HAUS1: variants seen among roughly 807,000 people sequenced by gnomAD.
HAUS1 encodes the protein HAUS augmin like complex subunit 1.
In HAUS1, 25 loss-of-function variants were observed where a neutral mutation model predicts 38.6. The observed-to-expected ratio is 0.65, with a 90% CI of 0.47 to 0.91. The LOEUF (loss-of-function observed/expected upper bound fraction) is 0.91, where lower values mean the gene tolerates loss of function less well. HAUS1 is among the 40% of genes least tolerant of loss of function. The probability of loss-of-function intolerance (pLI) is 0.00; values close to 1 mark genes in which losing one functional copy is unlikely to be tolerated. For synonymous variants in HAUS1, 109 were observed against 112.9 expected, an observed-to-expected ratio of 0.97 and a Z score of 0.22; for missense variants, 325 against 328.4, an observed-to-expected ratio of 0.99 and a Z score of 0.08.
chr18:46,125,995 A>G (rs190224705), intron 8 of HAUS1: 53 of 420,288 alleles, frequency 1.3e-4, no homozygotes, highest in African/African-American at 1.1e-3. Context: ...AACATATAGT[A>G]GCTGGGCACA....
intron 2 of HAUS1, chr18:46,109,667 G>T (rs930458691): frequency 4.0e-5 from 6 of 151,740 alleles, no homozygotes; most frequent in Non-Finnish European, 5.9e-5. Flanking sequence ...TGTCGCCCAG[G>T]CTGGAGTGCT....
intron 2 of HAUS1, among the ~76,000 whole-genome samples, chr18:46,113,599 A>T (rs1033020353): frequency 1.3e-5 from 2 of 152,144 alleles, no homozygotes; most frequent in Admixed American, 1.3e-4. Context: ...TAATTCTGTG[A>T]ACATGCTTAT....
intron 2 of HAUS1, among the ~76,000 whole-genome samples, chr18:46,117,471 A>G (rs768300434): frequency 2.6e-5 from 4 of 152,190 alleles, no homozygotes; most frequent in Non-Finnish European, 5.9e-5. Context: ...AATGTCCCAA[A>G]TAGGCAAATG....
Position 46,128,109 on chromosome 18 carries a change from A to T in HAUS1, c.821A>T (p.Asp274Val), listed in dbSNP as rs972619209. 2 of 1,589,396 alleles carry T rather than the reference A, an allele frequency of 1.3e-6. No individual in the cohort carries two copies. Among genetic ancestry groups the T allele is most frequent in the African/African-American group, 1.4e-5 (1 of 73,928 alleles). Residue 274 changes from aspartate (D) to valine (V), a missense_variant, in exon 9 of 9, where the codon GAC (aspartate) becomes GTC (valine). Transcript: ENST00000282058. ...GAAGCTGAACTTACAAGAAGAGTAG[A>T]CATGATGGAACTGTGACAAAAGCCA... ...SIEAELTRRV[D>V]MMEL
Position 46,107,820 on chromosome 18 carries a change from G to T in HAUS1, c.205+2452G>T, listed in dbSNP as rs571238982. 3.7e-3 allele frequency among the ~76,000 whole-genome samples: 566 copies of T among 152,250 alleles called. 6 individuals carry two copies. The highest frequency in any genetic ancestry group is 0.012 in the African/African-American group (517 of 41,532). ...GAGATTGGAACTTTTGGAAATATTTGCAGGAATTGGGAAAGGACATAAAAC... is the reference window on the plus strand; with the variant it reads ...GAGATTGGAACTTTTGGAAATATTTTCAGGAATTGGGAAAGGACATAAAAC... On this transcript the variant is annotated intron_variant, in intron 2 of 8. Transcript: ENST00000282058.
At chr18:46,105,538 ATATG>A (rs1325634983) in intron 2 of HAUS1, 170 bp downstream of exon 2, 2 of 518,124 alleles carry the variant, frequency 3.9e-6, no homozygotes, top group Non-Finnish European at 6.6e-6. Context: ...ATGTTTATAT[ATATG>A]TATATGTATG....
chr18:46,105,157 C>G, intron 1 of HAUS1, 37 bp from the exon 2 acceptor site: 2 of 1,483,378 alleles, frequency 1.3e-6, no homozygotes, highest in Non-Finnish European at 1.9e-6. Context: ...TTACAGTAAA[C>G]AAGGCTTATA....
At chr18:46,127,652 G>T (rs1232819695) in intron 8 of HAUS1, among the ~76,000 whole-genome samples, 1 of 150,618 alleles carries the variant, frequency 6.6e-6, no homozygotes, top group South Asian at 2.1e-4. Context: ...ATTGCAGAGT[G>T]AGCCGAGATT....
At chr18:46,114,309 G>A (rs996111126) in intron 2 of HAUS1, among the ~76,000 whole-genome samples, 10 of 152,216 alleles carry the variant, frequency 6.6e-5, no homozygotes, top group African/African-American at 2.4e-4. Context: ...TTTGGGAAGA[G>A]ATGGAGAGCC....
intron 5 of HAUS1, 52 bp downstream of exon 5, chr18:46,122,642 C>G (rs771705956): frequency 6.3e-7 from 1 of 1,597,568 alleles, no homozygotes; most frequent in South Asian, 1.1e-5. Flanking sequence ...GATTTTTTAC[C>G]ATCATCCTCA....
At chr18:46,121,298 T>C (rs575691489) in intron 4 of HAUS1, among the ~76,000 whole-genome samples, 88 of 152,244 alleles carry the variant, frequency 5.8e-4, no homozygotes, top group African/African-American at 1.9e-3. Flanking sequence ...CAAGTGATTC[T>C]CCTGCCTCAG....
intron 1 of HAUS1, among the ~76,000 whole-genome samples, chr18:46,104,767 G>T (rs958676138): frequency 2.2e-4 from 31 of 139,942 alleles, no homozygotes; most frequent in South Asian, 2.4e-4. Flanking sequence ...TTCCACATCT[G>T]AACTGCTTCC....
At chr18:46,107,195 T>C (rs1179834911) in intron 2 of HAUS1, among the ~76,000 whole-genome samples, 1 of 152,146 alleles carries the variant, frequency 6.6e-6, no homozygotes. Flanking sequence ...GCCACTCCTT[T>C]ATAGCCATAT....
chr18:46,119,090 CA>C (rs1459658883), intron 3 of HAUS1, among the ~76,000 whole-genome samples: 4 of 152,216 alleles, frequency 2.6e-5, no homozygotes, highest in African/African-American at 9.6e-5. Flanking sequence ...AGGCTGGTCT[CA>C]AACTCCTGAC....
rs147523123 is a variant in HAUS1 at position 46,122,685 on chromosome 18, G to A, written c.600+95G>A. 9.7e-4 allele frequency: 1,355 copies of A among 1,394,820 alleles called. 4 individuals carry two copies. The highest frequency in any genetic ancestry group is 5.8e-3 in the Middle Eastern group (32 of 5,538). The allele number at this position is 1,394,820 out of a possible 1,614,324, so 86.4% of individuals were successfully genotyped here. A position where few individuals can be genotyped will look rare whatever the true frequency, so the allele number is the denominator to read the frequency against. ...GCATTATTATTCCCTTTTTACAGATGAGAGGACTATAGAGAAGTTGGTAAG... is the reference window on the plus strand; with the variant it reads ...GCATTATTATTCCCTTTTTACAGATAAGAGGACTATAGAGAAGTTGGTAAG... On this transcript the variant is annotated intron_variant, in intron 5 of 8. Coordinates refer to ENST00000282058, the MANE Select transcript of HAUS1 (RefSeq NM_138443.4).
chr18:46,121,382 G>C (rs1177825518), intron 4 of HAUS1, among the ~76,000 whole-genome samples: 2 of 151,980 alleles, frequency 1.3e-5, no homozygotes, highest in Non-Finnish European at 2.9e-5. Context: ...AGCAGAGACG[G>C]GGTTTCACCA....
chr18:46,123,007 C>G lies in HAUS1; in HGVS notation c.601-292C>G, dbSNP rs570669385. 5.9e-5 allele frequency among the ~76,000 whole-genome samples: 9 copies of G among 152,088 alleles called. No homozygotes were observed. The East Asian group carries it at 7.7e-4, about 13-fold the overall frequency. ...TGGGCGGATCATGAGGTCAGGAGAT[C>G]GAGACCATCCTGACTAACACAGTGA... On this transcript the variant is annotated intron_variant, in intron 5 of 8. Transcript: ENST00000282058.
Position 46,112,061 on chromosome 18 carries a change from A to G in HAUS1, c.206-6120A>G, listed in dbSNP as rs573301392. 2.1e-3 allele frequency among the ~76,000 whole-genome samples: 315 copies of G among 149,112 alleles called. 2 individuals are homozygous for G. The highest frequency in any genetic ancestry group is 3.4e-3 in the Non-Finnish European group (230 of 67,356). ...CCACCACACCCGGCTAACTTTTTGT[A>G]TCTTTAGTAGAGATGGGGTTTCACC... On this transcript the variant is annotated intron_variant, in intron 2 of 8. Transcript: ENST00000282058.
At chr18:46,120,452 T>C (rs1198737223) in intron 4 of HAUS1, among the ~76,000 whole-genome samples, 1 of 152,066 alleles carries the variant, frequency 6.6e-6, no homozygotes, top group Non-Finnish European at 1.5e-5. Flanking sequence ...CAGGCTGGTC[T>C]CGAACTCCCG....
Sources: allele counts gnomAD v4.1 joint callset (sites outside exome capture counted in the v4.1 genomes callset), GRCh38; gene constraint gnomAD v4.1.1; transcripts MANE v1.5; gene names NCBI Gene and HGNC (gene_info 2026-07-23, HGNC 2026-07-21).